Variants in PDE11A observed in about 807,000 individuals in gnomAD.
PDE11A encodes the protein dual 3',5'-cyclic-AMP and -GMP phosphodiesterase 11A.
In PDE11A, 100 loss-of-function variants were observed where a neutral mutation model predicts 100.5. That is an observed-to-expected ratio of 1.00 (90% confidence interval 0.85 to 1.18). The LOEUF is 1.18. Ranked by LOEUF, PDE11A falls within the 50% of genes most tolerant of loss-of-function variation. The pLI, the probability that PDE11A is intolerant of heterozygous loss-of-function variation, is 0.00. For missense variants in PDE11A, 1,141 were observed against 1,152.6 expected, an observed-to-expected ratio of 0.99 and a Z score of 0.15; for synonymous variants, 381 against 420.8, an observed-to-expected ratio of 0.91 and a Z score of 1.16.
chr2:177,807,706 G>A (rs57718724), intron 9 of PDE11A, among the ~76,000 whole-genome samples: 3 of 152,268 alleles, frequency 2.0e-5, no homozygotes, highest in East Asian at 3.9e-4. Flanking sequence ...GATTGTAGGC[G>A]TGAGCCACCA....
At chr2:177,809,481 G>T (rs900523203) in intron 9 of PDE11A, among the ~76,000 whole-genome samples, 1 of 152,150 alleles carries the variant, frequency 6.6e-6, no homozygotes, top group Admixed American at 6.6e-5. Flanking sequence ...CAGCCAGGCA[G>T]TTATCTGAAG....
intron 10 of PDE11A, among the ~76,000 whole-genome samples, chr2:177,752,124 A>G (rs1314452086): frequency 6.6e-6 from 1 of 152,220 alleles, no homozygotes; most frequent in African/African-American, 2.4e-5. Context: ...TTGAGAGCTC[A>G]GGTTTTTCAT....
chr2:177,891,429 A>C (rs965529512), intron 4 of PDE11A, among the ~76,000 whole-genome samples: 1 of 152,338 alleles, frequency 6.6e-6, no homozygotes, highest in African/African-American at 2.4e-5. Flanking sequence ...TTCAAGCTTT[A>C]CCAATCTGAT....
At chr2:177,657,174 T>C (rs1181673532) in intron 19 of PDE11A, among the ~76,000 whole-genome samples, 3 of 152,260 alleles carry the variant, frequency 2.0e-5, no homozygotes, top group African/African-American at 7.2e-5. Context: ...CTTCCATTCA[T>C]ATTTGACTAA....
chr2:177,818,360 A>G (rs750343180), intron 7 of PDE11A, among the ~76,000 whole-genome samples: 4 of 151,486 alleles, frequency 2.6e-5, no homozygotes, highest in Non-Finnish European at 5.9e-5. Flanking sequence ...TGAAAGAGGC[A>G]GTATGGCACT....
At chr2:178,052,771 G>T (rs995775952) in intron 1 of PDE11A, among the ~76,000 whole-genome samples, 4 of 152,116 alleles carry the variant, frequency 2.6e-5, no homozygotes, top group Non-Finnish European at 5.9e-5. Flanking sequence ...TAGAAGAAAT[G>T]GATAAATTCC....
intron 2 of PDE11A, among the ~76,000 whole-genome samples, chr2:178,005,227 G>A (rs1017028145): frequency 6.6e-6 from 1 of 152,072 alleles, no homozygotes; most frequent in Non-Finnish European, 1.5e-5. Context: ...CGACAGCTCT[G>A]GATCAAATCT....
At chr2:177,927,608 G>A (rs1399086275) in intron 2 of PDE11A, among the ~76,000 whole-genome samples, 1 of 152,102 alleles carries the variant, frequency 6.6e-6, no homozygotes, top group Non-Finnish European at 1.5e-5. Context: ...ATAAACCTTT[G>A]CTGACAATAT....
chr2:177,713,160 C>A (rs895569663), intron 12 of PDE11A, among the ~76,000 whole-genome samples: 1 of 152,098 alleles, frequency 6.6e-6, no homozygotes, highest in African/African-American at 2.4e-5. Context: ...AGGCACCCAC[C>A]ACCACGCCCA....
intron 9 of PDE11A, among the ~76,000 whole-genome samples, chr2:177,799,154 GA>G (rs2082748346): frequency 6.6e-6 from 1 of 152,144 alleles, no homozygotes; most frequent in East Asian, 1.9e-4. Context: ...GTTTGCTCGA[GA>G]CTGTCAAGGT....
intron 10 of PDE11A, among the ~76,000 whole-genome samples, chr2:177,756,958 A>G (rs1467295892): frequency 6.6e-6 from 1 of 152,248 alleles, no homozygotes; most frequent in African/African-American, 2.4e-5. Flanking sequence ...TCACAATCAG[A>G]CGATAAGGAG....
At chr2:177,825,692 C>T (rs1051016903) in intron 6 of PDE11A, among the ~76,000 whole-genome samples, 1 of 152,146 alleles carries the variant, frequency 6.6e-6, no homozygotes, top group African/African-American at 2.4e-5. Flanking sequence ...AGAATCATTC[C>T]TGTTCACCAG....
intron 2 of PDE11A, chr2:177,997,341 T>C: frequency 1.1e-6 from 1 of 878,146 alleles, no homozygotes; most frequent in Middle Eastern, 2.8e-4. Context: ...CTGGCATCTC[T>C]TTTTTGTTCT....
intron 9 of PDE11A, among the ~76,000 whole-genome samples, chr2:177,794,758 T>C (rs1384727583): frequency 6.6e-6 from 1 of 151,378 alleles, no homozygotes; most frequent in Admixed American, 6.6e-5. Context: ...TGTTAATTGG[T>C]GTCTGGTTTT....
At position 178,097,271 on chromosome 2, in the gene PDE11A, T is replaced by C. The variant is rs558794680; in HGVS notation, c.162+7031A>G. On this transcript the variant is annotated intron_variant, in intron 2 of 20. Coordinates refer to the PDE11A transcript ENST00000358450. ...CTATACTAGTCCATTCACACTGCTATAAAGAAATACCCGAGACTAGGTAAT... is the reference window on the plus strand; with the variant it reads ...CTATACTAGTCCATTCACACTGCTACAAAGAAATACCCGAGACTAGGTAAT... Among the ~76,000 whole-genome samples, 17 of 152,316 alleles carry C rather than the reference T, an allele frequency of 1.1e-4. No individual in the cohort carries two copies. In the East Asian group the frequency reaches 2.7e-3, roughly 24 times the overall value.
intron 12 of PDE11A, among the ~76,000 whole-genome samples, chr2:177,727,228 A>G (rs1183614742): frequency 2.0e-5 from 3 of 151,982 alleles, no homozygotes; most frequent in Non-Finnish European, 2.9e-5. Context: ...CATTGTCTCA[A>G]ATAAGCATCC....
intron 4 of PDE11A, among the ~76,000 whole-genome samples, chr2:177,880,307 C>T (rs13010041): frequency 0.1 from 15,897 of 152,172 alleles, 1,147 homozygotes; most frequent in Non-Finnish European, 0.15. Context: ...ATCAGTTGAC[C>T]ACTGGAGGAA....
intron 12 of PDE11A, among the ~76,000 whole-genome samples, chr2:177,718,834 A>G (rs1348940138): frequency 6.6e-6 from 1 of 152,206 alleles, no homozygotes; most frequent in Non-Finnish European, 1.5e-5. Flanking sequence ...ATTAGCCCAC[A>G]CTTCATCAAA....
At chr2:178,073,116 TAC>T (rs1244694421), upstream of PDE11A, 8 of 971,464 alleles carry the variant, frequency 8.2e-6, no homozygotes, top group Non-Finnish European at 8.6e-6. Flanking sequence ...GAGTCCGAGA[TAC>T]AAGTGTTGAT....
Sources: allele counts gnomAD v4.1 joint callset (sites outside exome capture counted in the v4.1 genomes callset), GRCh38; gene constraint gnomAD v4.1.1; transcripts MANE v1.5; gene names NCBI Gene and HGNC (gene_info 2026-07-23, HGNC 2026-07-21).